Variants in NUGGC observed in about 807,000 individuals in gnomAD.
The protein encoded by NUGGC is nuclear GTPase SLIP-GC.
Under a neutral mutation model 92.6 loss-of-function variants are expected in NUGGC, and 58 were observed. That is an observed-to-expected ratio of 0.63 (90% CI 0.51 to 0.78). The LOEUF is 0.78. Ranked by LOEUF, NUGGC falls within the 30% of genes least tolerant of loss-of-function variation. NUGGC has a pLI of 0.00. For missense variants in NUGGC, 925 were observed against 964.6 expected (o/e 0.96, Z 0.54); for synonymous variants, 376 against 366.4 (o/e 1.03, Z -0.30).
intron 14 of NUGGC, 75 bp downstream of exon 14, chr8:28,033,465 G>A (rs1809473334): frequency 5.6e-6 from 8 of 1,425,254 alleles, no homozygotes; most frequent in Non-Finnish European, 7.7e-6. Flanking sequence ...CAGATCCAAA[G>A]TCTAAATTCT....
rs190117054 is a variant in NUGGC at position 28,081,518 on chromosome 8, G to T, written c.-47+2257C>A. Among the ~76,000 whole-genome samples, 53 of 152,238 alleles carry T rather than the reference G, an allele frequency of 3.5e-4. No homozygotes were observed. The East Asian group carries it at 9.8e-3, about 28-fold the overall frequency. On this transcript the variant is annotated intron_variant, in intron 1 of 18. Coordinates refer to ENST00000413272, the MANE Select transcript of NUGGC (RefSeq NM_001010906.2). ...GGGGAACAGATGCCACCTTAGCTGA[G>T]ATTCTGACTCCCGTTCTTGTCCCTA...
chr8:28,043,622 G>T (rs1208003142), intron 12 of NUGGC, among the ~76,000 whole-genome samples: 1 of 152,198 alleles, frequency 6.6e-6, no homozygotes, highest in Non-Finnish European at 1.5e-5. Context: ...GAGTCTGGCT[G>T]CAAGGGTGAA....
chr8:28,082,700 C>T (rs1178743168), intron 1 of NUGGC, among the ~76,000 whole-genome samples: 1 of 152,110 alleles, frequency 6.6e-6, no homozygotes, highest in African/African-American at 2.4e-5. Context: ...GGCCCAGGAG[C>T]TTGAGACCAG....
At chr8:28,069,704 C>T (rs530467770) in intron 3 of NUGGC, 52 bp from the exon 4 acceptor site, 4 of 978,910 alleles carry the variant, frequency 4.1e-6, no homozygotes, top group Non-Finnish European at 6.7e-6. Context: ...GGATAAAGTA[C>T]TAGGTCTCCA....
At chr8:28,066,822 G>A (rs1418506126) in intron 6 of NUGGC, among the ~76,000 whole-genome samples, 2 of 152,176 alleles carry the variant, frequency 1.3e-5, no homozygotes, top group Non-Finnish European at 1.5e-5. Context: ...TTTTCTGTCT[G>A]ACTGGGGAGG....
At chr8:28,083,506 G>A (rs996719074) in intron 1 of NUGGC, among the ~76,000 whole-genome samples, 4 of 152,202 alleles carry the variant, frequency 2.6e-5, no homozygotes, top group Admixed American at 1.3e-4. Context: ...GGATGCCACA[G>A]TAGAAAGCAG....
intron 4 of NUGGC, 23 bp from the exon 5 acceptor site, chr8:28,068,461 A>G (rs773443667): frequency 2.6e-5 from 38 of 1,460,290 alleles, no homozygotes; most frequent in Non-Finnish European, 3.3e-5. Context: ...TAAAATGCAC[A>G]TTGCCATGAT....
chr8:28,028,616 T>A (rs970500363), intron 17 of NUGGC, among the ~76,000 whole-genome samples: 2 of 151,940 alleles, frequency 1.3e-5, no homozygotes, highest in African/African-American at 4.8e-5. Context: ...TCTCTACTAC[T>A]TGGGGGAAAG....
At chr8:28,071,338 T>C (rs774792371) in intron 2 of NUGGC, among the ~76,000 whole-genome samples, 1 of 152,076 alleles carries the variant, frequency 6.6e-6, no homozygotes, top group Non-Finnish European at 1.5e-5. Flanking sequence ...AGAAGCAGAA[T>C]GCAAAGGAAA....
chr8:28,071,141 A>C (rs892725613), intron 2 of NUGGC, among the ~76,000 whole-genome samples: 1 of 152,206 alleles, frequency 6.6e-6, no homozygotes, highest in Non-Finnish European at 1.5e-5. Context: ...GTAGAGTTCA[A>C]TCTATCTCCC....
chr8:28,046,415 C>G (rs1809836059), intron 11 of NUGGC, among the ~76,000 whole-genome samples: 1 of 152,204 alleles, frequency 6.6e-6, no homozygotes, highest in Non-Finnish European at 1.5e-5. Context: ...TGCCCACCCA[C>G]TTTCCACTGA....
chr8:28,044,531 G>A (rs1297874030), intron 12 of NUGGC, among the ~76,000 whole-genome samples: 2 of 152,226 alleles, frequency 1.3e-5, no homozygotes, highest in African/African-American at 4.8e-5. Flanking sequence ...AGCCAATGTG[G>A]TTGGTTAGGC....
intron 17 of NUGGC, 107 bp downstream of exon 17, chr8:28,029,159 T>A (rs994546250): frequency 8.8e-7 from 1 of 1,136,244 alleles, no homozygotes; most frequent in Non-Finnish European, 1.3e-6. Flanking sequence ...AAGCATCTGT[T>A]CCATTTGGAC....
At chr8:28,080,274 A>G (rs1465117703) in intron 1 of NUGGC, among the ~76,000 whole-genome samples, 2 of 152,208 alleles carry the variant, frequency 1.3e-5, no homozygotes, top group Non-Finnish European at 2.9e-5. Flanking sequence ...CACCCTCAGA[A>G]GTAAAACAAG....
intron 12 of NUGGC, among the ~76,000 whole-genome samples, chr8:28,041,499 G>T (rs975571407): frequency 3.3e-5 from 5 of 152,166 alleles, no homozygotes; most frequent in African/African-American, 1.2e-4. Context: ...TAATCCATCA[G>T]GTTATTTGGG....
At position 28,041,207 on chromosome 8, in the gene NUGGC, G is replaced by A. The variant is rs1436424342; in HGVS notation, c.1455C>T (p.His485=). The A allele has an allele frequency of 1.2e-6, 2 of 1,610,112 alleles. No homozygotes were observed. Among genetic ancestry groups the A allele is most frequent in the African/African-American group, 1.3e-5 (1 of 74,880 alleles). ...ATCTCCGCAGGACACTCATGTGCAA[G>A]TGTTCATTCTAGGGACAAGGACCAT... is the stretch of plus-strand genomic sequence containing the variant. The part of the protein sequence containing the change: ...FNSTQNLPNE[H]LHMSVLRRFA... Residue 485 remains histidine, a synonymous_variant, in exon 13 of 19, where the codon CAC becomes CAT. Coordinates refer to ENST00000413272, the MANE Select transcript of NUGGC (RefSeq NM_001010906.2).
In NUGGC at chr8:28,041,188, G is replaced by A. The variant is rs2305453; in HGVS notation, c.1474C>T (p.Arg492Trp). 506 of 1,611,098 alleles carry A rather than the reference G, an allele frequency of 3.1e-4. 4 individuals carry two copies. In the East Asian group the frequency reaches 0.011, roughly 34 times the overall value. Residue 492 changes from arginine to tryptophan, a missense_variant, in exon 13 of 19, where the codon CGG becomes TGG. Transcript: ENST00000413272. ...PNEHLHMSVL[R>W]RFAEEKVELL... ...TCAACCTTCTCTTCCGCAAATCTCC[G>A]CAGGACACTCATGTGCAAGTGTTCA... is the stretch of plus-strand genomic sequence containing the variant.
intron 1 of NUGGC, among the ~76,000 whole-genome samples, chr8:28,075,089 G>T (rs1048710275): frequency 1.3e-5 from 2 of 152,188 alleles, no homozygotes; most frequent in Non-Finnish European, 2.9e-5. Context: ...CTGGGGCAAG[G>T]CTTGAACCCT....
chr8:28,041,345 T>C (rs1409121844), intron 12 of NUGGC, 130 bp from the exon 13 acceptor site: 1 of 907,664 alleles, frequency 1.1e-6, no homozygotes, highest in Non-Finnish European at 1.7e-6. Flanking sequence ...CTTCTCTTTA[T>C]TGTCCCCATA....
Sources: allele counts gnomAD v4.1 joint callset (sites outside exome capture counted in the v4.1 genomes callset), GRCh38; gene constraint gnomAD v4.1.1; transcripts MANE v1.5; gene names NCBI Gene and HGNC (gene_info 2026-07-23, HGNC 2026-07-21).